The following GPC6 variants were observed in gnomAD, a reference collection of about 807,000 sequenced individuals.
GPC6 encodes glypican-6.
In GPC6, 14 loss-of-function variants were observed where a neutral mutation model predicts 55.2. The observed-to-expected ratio is 0.25, with a 90% CI of 0.17 to 0.40. GPC6 has a LOEUF of 0.40. GPC6 is among the 10% of genes least tolerant of loss of function. The pLI, the probability that GPC6 is intolerant of heterozygous loss-of-function variation, is 1.00. For synonymous variants in GPC6, 278 were observed against 259.6 expected, an observed-to-expected ratio of 1.07 and a Z score of -0.68; for missense variants, 641 against 708.5, an observed-to-expected ratio of 0.90 and a Z score of 1.08.
chr13:93,521,099 TAA>T (rs1278546029), intron 1 of GPC6, among the ~76,000 whole-genome samples: 1 of 152,000 alleles, frequency 6.6e-6, no homozygotes, highest in Non-Finnish European at 1.5e-5. Flanking sequence ...ACTTGAAATT[TAA>T]GGGAATATAA....
At chr13:94,221,090 A>G (rs1274758019) in intron 4 of GPC6, among the ~76,000 whole-genome samples, 2 of 152,150 alleles carry the variant, frequency 1.3e-5, no homozygotes, top group African/African-American at 4.8e-5. Context: ...TTTAGCCAAC[A>G]ATTTTTTTCA....
chr13:93,995,978 C>T (rs1359466211), intron 3 of GPC6, among the ~76,000 whole-genome samples: 1 of 152,076 alleles, frequency 6.6e-6, no homozygotes, highest in Non-Finnish European at 1.5e-5. Flanking sequence ...CCTAAGAAAA[C>T]TTACATTGTT....
In GPC6 at chr13:93,412,933, T is replaced by A. The variant is rs2762088; in HGVS notation, c.161-132330T>A. Among the ~76,000 whole-genome samples, 3 of 151,920 alleles carry A rather than the reference T, an allele frequency of 2.0e-5. No individual in the cohort carries two copies. The South Asian group carries it at 6.2e-4, about 32-fold the overall frequency. On this transcript the variant is annotated intron_variant, in intron 1 of 8. Transcript: ENST00000377047. The stretch of plus-strand genomic sequence containing the variant: ...AAACTGTGATGATTAGAAAATAAAT[T>A]ACAGGTCCTTCCATAAATTATATCT...
intron 3 of GPC6, among the ~76,000 whole-genome samples, chr13:93,914,510 T>G (rs1216829896): frequency 6.6e-6 from 1 of 152,236 alleles, no homozygotes; most frequent in East Asian, 1.9e-4. Flanking sequence ...CTACACTCTG[T>G]GGTAGCTATT....
chr13:93,367,237 T>A (rs1206526443), intron 1 of GPC6, among the ~76,000 whole-genome samples: 2 of 152,034 alleles, frequency 1.3e-5, no homozygotes, highest in Admixed American at 6.6e-5. Context: ...AATAATAGTG[T>A]CAATTGTGTG....
At chr13:93,690,057 C>G (rs1882200951) in intron 2 of GPC6, among the ~76,000 whole-genome samples, 2 of 152,040 alleles carry the variant, frequency 1.3e-5, no homozygotes, top group South Asian at 2.1e-4. Context: ...ATATCTTTCA[C>G]TTGGTTTTAG....
chr13:93,224,550 A>C (rs1236645673), upstream of GPC6, among the ~76,000 whole-genome samples: 1 of 152,136 alleles, frequency 6.6e-6, no homozygotes, highest in Non-Finnish European at 1.5e-5. Context: ...ACTACACACA[A>C]GATGAATACT....
chr13:93,591,703 A>G (rs1000751666), intron 2 of GPC6, among the ~76,000 whole-genome samples: 1 of 152,192 alleles, frequency 6.6e-6, no homozygotes, highest in Non-Finnish European at 1.5e-5. Flanking sequence ...CATCCCCAGC[A>G]GGATCAAGCT....
Position 93,714,215 on chromosome 13 carries a change from T to C in GPC6, c.320-115939T>C, listed in dbSNP as rs546696290. On this transcript the variant is annotated intron_variant, in intron 2 of 8. Transcript: ENST00000377047. ...CAACAAAAATCTAACATCCAGAATC[T>C]ATAAGGAACTTAAACAATTGAGCAA... Among the ~76,000 whole-genome samples, 9 of 152,028 alleles carry C rather than the reference T, an allele frequency of 5.9e-5. No individual in the cohort carries two copies. The South Asian group carries it at 1.9e-3, about 32-fold the overall frequency.
chr13:94,139,296 A>T (rs772475584), intron 4 of GPC6, among the ~76,000 whole-genome samples: 14 of 152,202 alleles, frequency 9.2e-5, no homozygotes, highest in Non-Finnish European at 1.8e-4. Flanking sequence ...AATTATTCTT[A>T]TACCCCATAC....
intron 4 of GPC6, among the ~76,000 whole-genome samples, chr13:94,182,190 T>A (rs1889020381): frequency 6.6e-6 from 1 of 151,036 alleles, no homozygotes; most frequent in Non-Finnish European, 1.5e-5. Context: ...GTGGAGTAAC[T>A]TAGGTCTCAG....
chr13:93,912,864 C>G (rs539736930), intron 3 of GPC6, among the ~76,000 whole-genome samples: 28 of 152,190 alleles, frequency 1.8e-4, no homozygotes, highest in Non-Finnish European at 3.4e-4. Context: ...AAGTCCCTAC[C>G]TGCCAGTGAC....
At chr13:94,264,119 C>T (rs1487316545) in intron 4 of GPC6, among the ~76,000 whole-genome samples, 1 of 152,310 alleles carries the variant, frequency 6.6e-6, no homozygotes, top group East Asian at 1.9e-4. Context: ...ACCCTGGTTC[C>T]AACATCTGCA....
chr13:93,720,540 A>G (rs1228099587), intron 2 of GPC6, among the ~76,000 whole-genome samples: 2 of 151,542 alleles, frequency 1.3e-5, no homozygotes, highest in Admixed American at 6.6e-5. Flanking sequence ...TTGATTTTTG[A>G]AGGGTTTTTC....
chr13:94,266,803 G>A (rs1031328325), intron 4 of GPC6, among the ~76,000 whole-genome samples: 5 of 152,154 alleles, frequency 3.3e-5, no homozygotes, highest in African/African-American at 4.8e-5. Context: ...CTCAGCATAT[G>A]TTGGCTGATC....
intron 4 of GPC6, among the ~76,000 whole-genome samples, chr13:94,092,531 T>A (rs1261070112): frequency 3.9e-5 from 6 of 152,168 alleles, no homozygotes; most frequent in Non-Finnish European, 7.4e-5. Flanking sequence ...TCCGTTCATC[T>A]GTTGATGGAT....
intron 5 of GPC6, among the ~76,000 whole-genome samples, chr13:94,295,757 GT>G (rs1432394720): frequency 2.6e-5 from 4 of 152,032 alleles, no homozygotes; most frequent in Non-Finnish European, 5.9e-5. Flanking sequence ...TTGACAGGTT[GT>G]TTGGTCCCTT....
At chr13:94,155,214 C>T (rs1231506737) in intron 4 of GPC6, among the ~76,000 whole-genome samples, 1 of 100,274 alleles carries the variant, frequency 1.0e-5, no homozygotes, top group Non-Finnish European at 2.1e-5. Flanking sequence ...AAACTGAGCT[C>T]ACCCTTCTCA....
intron 4 of GPC6, among the ~76,000 whole-genome samples, chr13:94,099,628 T>C (rs918691870): frequency 2.0e-5 from 3 of 152,218 alleles, no homozygotes; most frequent in African/African-American, 7.2e-5. Flanking sequence ...TATAAATGCA[T>C]TGACACTTTT....
Sources: allele counts gnomAD v4.1 joint callset (sites outside exome capture counted in the v4.1 genomes callset), GRCh38; gene constraint gnomAD v4.1.1; transcripts MANE v1.5; gene names NCBI Gene and HGNC (gene_info 2026-07-23, HGNC 2026-07-21).